Variants in HIVEP3 observed in about 807,000 individuals in gnomAD.
The protein encoded by HIVEP3 is HIVEP zinc finger 3, also known as transcription factor HIVEP3.
In HIVEP3, 49 loss-of-function variants were observed where a neutral mutation model predicts 152.8. The ratio of observed to expected loss-of-function variants is 0.32; its 90% confidence interval spans 0.26 to 0.41. HIVEP3 has a LOEUF of 0.41. Ranked by LOEUF, HIVEP3 falls within the 10% of genes least tolerant of loss-of-function variation. HIVEP3 has a pLI of 1.00. For missense variants in HIVEP3, 2,790 were observed against 3,103.3 expected, an observed-to-expected ratio of 0.90 and a Z score of 2.40; for synonymous variants, 1,269 against 1,289.0, an observed-to-expected ratio of 0.98 and a Z score of 0.33.
chr1:41,715,356 C>T (rs1035287331), intron 1 of HIVEP3, among the ~76,000 whole-genome samples: 1 of 152,262 alleles, frequency 6.6e-6, no homozygotes, highest in Non-Finnish European at 1.5e-5. Flanking sequence ...CCTGACGTGT[C>T]CTGGTGAGAC....
chr1:41,539,359 A>G lies in HIVEP3; in HGVS notation c.5208-14449T>C, dbSNP rs117040607. ...TCCTTCACACAAGTCTCCAAAAGCC[A>G]TGATGCTGCTCGAGACTTCTTTCCT... On this transcript the variant is annotated intron_variant, in intron 5 of 8. Transcript: ENST00000372583. Among the ~76,000 whole-genome samples, 79 of 152,312 alleles carry G rather than the reference A, an allele frequency of 5.2e-4. 1 individual carries two copies. The East Asian group carries it at 0.013, about 25-fold the overall frequency.
chr1:41,817,423 C>T (rs1407806306), intron 1 of HIVEP3, among the ~76,000 whole-genome samples: 8 of 151,984 alleles, frequency 5.3e-5, no homozygotes, highest in African/African-American at 9.7e-5. Context: ...TGGCAGAAAA[C>T]GGGGTGGAAG....
At chr1:41,926,790 C>T (rs1484578492) in intron 1 of HIVEP3, among the ~76,000 whole-genome samples, 1 of 152,160 alleles carries the variant, frequency 6.6e-6, no homozygotes, top group Non-Finnish European at 1.5e-5. Context: ...TTTCTTGCAG[C>T]CTGAAGGTCC....
chr1:41,722,915 A>ATG (rs140553591), intron 1 of HIVEP3, among the ~76,000 whole-genome samples: 5 of 152,088 alleles, frequency 3.3e-5, no homozygotes, highest in Admixed American at 2.0e-4. Context: ...AGAGAGATGC[A>ATG]TGTGTGTGTG....
intron 1 of HIVEP3, among the ~76,000 whole-genome samples, chr1:41,959,135 T>G (rs1645155919): frequency 6.6e-6 from 1 of 152,150 alleles, no homozygotes; most frequent in Non-Finnish European, 1.5e-5. Context: ...TCCTGAATTC[T>G]GAAGATGATC....
intron 2 of HIVEP3, among the ~76,000 whole-genome samples, chr1:41,641,765 C>A (rs1365939657): frequency 6.6e-6 from 1 of 152,214 alleles, no homozygotes; most frequent in Non-Finnish European, 1.5e-5. Flanking sequence ...TGGGTCAACC[C>A]TCAGAGCCAC....
intron 6 of HIVEP3, among the ~76,000 whole-genome samples, chr1:41,519,532 T>C (rs1642701296): frequency 6.6e-6 from 1 of 152,240 alleles, no homozygotes; most frequent in African/African-American, 2.4e-5. Context: ...GTGCTCACTG[T>C]TGCCCTGGGG....
intron 1 of HIVEP3, among the ~76,000 whole-genome samples, chr1:42,000,591 C>G (rs1645421676): frequency 6.6e-6 from 1 of 152,200 alleles, no homozygotes; most frequent in Non-Finnish European, 1.5e-5. Flanking sequence ...TGAGGACTCC[C>G]TTCCATCTCA....
Position 41,533,946 on chromosome 1 carries a change from C to T in HIVEP3, c.5208-9036G>A, listed in dbSNP as rs1643332866. Among the ~76,000 whole-genome samples, 1 of 151,598 alleles carries T rather than the reference C, an allele frequency of 6.6e-6. No individual in the cohort carries two copies. Among genetic ancestry groups the T allele is most frequent in the African/African-American group, 2.4e-5 (1 of 41,192 alleles). On this transcript the variant is annotated intron_variant, in intron 5 of 8. Coordinates refer to ENST00000372583, the MANE Select transcript of HIVEP3 (RefSeq NM_024503.5). This position sits in a 1 kb window ranked among gnomAD's most constrained non-coding sequence, Gnocchi z 4.3. ...GTGTCTGCTCCTGGGTCCCCGTTCT[C>T]TCTCAGCAAGCAGCACCTGCACTCG...
At chr1:41,701,735 T>A (rs1338457495) in intron 1 of HIVEP3, among the ~76,000 whole-genome samples, 1 of 152,244 alleles carries the variant, frequency 6.6e-6, no homozygotes, top group East Asian at 1.9e-4. Flanking sequence ...TGCTTTACAA[T>A]TAACTTGTAT....
In HIVEP3 at chr1:41,584,922, AC is replaced by A. The variant is rs1644481592; in HGVS notation, c.-126del. 2.2e-6 allele frequency: 2 copies of A among 906,496 alleles called. No individual in the cohort carries two copies. Among genetic ancestry groups the A allele is most frequent in the Admixed American group, 5.8e-5 (2 of 34,640 alleles). 56.2% of individuals were successfully genotyped at this position (906,496 alleles called of 1,614,324 possible). A position where few individuals can be genotyped will look rare whatever the true frequency, so the allele number is the denominator to read the frequency against. On this transcript the variant is annotated 5_prime_UTR_variant, in exon 4 of 9. Transcript: ENST00000372583. This position sits in a 1 kb window ranked among gnomAD's most constrained non-coding sequence, Gnocchi z 5.2. ...ATTGGTCAAGAGCTGTGGGAGCCAA[AC>A]CCAAGACGGCTTTGGGAGTTTTTTG...
chr1:41,945,852 C>A (rs1232632250), intron 1 of HIVEP3, among the ~76,000 whole-genome samples: 3 of 151,466 alleles, frequency 2.0e-5, no homozygotes, highest in Non-Finnish European at 2.9e-5. Context: ...CCTGACTCTA[C>A]TGAAGGCCAA....
intron 2 of HIVEP3, among the ~76,000 whole-genome samples, chr1:41,685,716 C>T (rs995459922): frequency 2.6e-5 from 4 of 152,226 alleles, no homozygotes; most frequent in Admixed American, 1.3e-4. Context: ...AATAAATATA[C>T]TTGAACTTAT....
rs557787202 is a variant in HIVEP3 at position 41,664,728 on chromosome 1, G to C, written c.-720-35781C>G. 3.4e-4 allele frequency among the ~76,000 whole-genome samples: 52 copies of C among 152,294 alleles called. No homozygotes were observed. The highest frequency in any genetic ancestry group is 1.2e-3 in the African/African-American group (51 of 41,566). On this transcript the variant is annotated intron_variant, in intron 2 of 8. Transcript: ENST00000372583. This position sits in a 1 kb window ranked among gnomAD's most constrained non-coding sequence, Gnocchi z 4.4. Reference sequence around the variant, plus strand: ...GCTGATGTCCTAGGGTCCCTGGCTGGGGGCTGGGATGAAAGGCGGGGTTCT... The same window carrying C: ...GCTGATGTCCTAGGGTCCCTGGCTGCGGGCTGGGATGAAAGGCGGGGTTCT...
intron 1 of HIVEP3, among the ~76,000 whole-genome samples, chr1:41,973,116 C>A (rs913332912): frequency 3.3e-5 from 5 of 151,906 alleles, no homozygotes; most frequent in African/African-American, 1.2e-4. Flanking sequence ...CTGGAAATAG[C>A]ATGGAATTTG....
At chr1:41,859,676 T>C (rs967388214) in intron 1 of HIVEP3, among the ~76,000 whole-genome samples, 1 of 152,214 alleles carries the variant, frequency 6.6e-6, no homozygotes, top group African/African-American at 2.4e-5. Flanking sequence ...TGTGAGCCCA[T>C]CTCCTCAAAC....
At chr1:41,515,253 G>A (rs774343896) in intron 7 of HIVEP3, among the ~76,000 whole-genome samples, 3 of 152,222 alleles carry the variant, frequency 2.0e-5, no homozygotes, top group Non-Finnish European at 4.4e-5. Context: ...CAGAAAGCCC[G>A]GAACTAGCAC....
intron 3 of HIVEP3, among the ~76,000 whole-genome samples, chr1:41,594,060 C>G: frequency 6.7e-6 from 1 of 148,838 alleles, no homozygotes; most frequent in Non-Finnish European, 1.5e-5. Flanking sequence ...ATTGAGTCCA[C>G]CTGGATAATC....
chr1:41,894,791 T>C (rs1440945128), intron 1 of HIVEP3, among the ~76,000 whole-genome samples: 3 of 152,232 alleles, frequency 2.0e-5, no homozygotes, highest in Non-Finnish European at 4.4e-5. Context: ...AAGGTGACTC[T>C]GGCCTTTGCA....
Sources: gnomAD v4.1 joint callset for allele counts (sites outside exome capture counted in the v4.1 genomes callset) on GRCh38, gnomAD v4.1.1 for gene constraint, Gnocchi (gnomAD v3.1) non-coding constraint, MANE v1.5 for transcripts, NCBI Gene and HGNC (gene_info 2026-07-23, HGNC 2026-07-21) for gene names.